Variants in RAD52 observed in about 807,000 individuals in gnomAD.
RAD52 encodes DNA repair protein RAD52 homolog.
In RAD52, 47 loss-of-function variants were observed where a neutral mutation model predicts 55.5. The ratio of observed to expected loss-of-function variants is 0.85; its 90% CI spans 0.67 to 1.08. The LOEUF is 1.08. RAD52 is among the 50% of genes least tolerant of loss of function. RAD52 has a pLI of 0.00. For missense variants in RAD52, 468 were observed against 522.8 expected (o/e 0.90, Z 1.02); for synonymous variants, 184 against 198.9 (o/e 0.92, Z 0.63).
chr12:927,068 T>C, intron 6 of RAD52, 77 bp downstream of exon 6: 7 of 1,531,120 alleles, frequency 4.6e-6, no homozygotes, highest in Non-Finnish European at 6.3e-6. Flanking sequence ...ATGTGTTACC[T>C]CTTCCAAAAA....
chr12:947,322 GT>G (rs1958286850), intron 1 of RAD52, among the ~76,000 whole-genome samples: 1 of 71,228 alleles, frequency 1.4e-5, no homozygotes, highest in South Asian at 7.8e-4. Flanking sequence ...GCGAAACTCT[GT>G]CCCCCCAAAA....
intron 1 of RAD52, among the ~76,000 whole-genome samples, chr12:973,083 T>G (rs1169847532): frequency 6.6e-6 from 1 of 152,154 alleles, no homozygotes; most frequent in Non-Finnish European, 1.5e-5. Flanking sequence ...TTCTTTTCTT[T>G]TTTTGAGACG....
chr12:956,419 C>T (rs983650477), intron 1 of RAD52, among the ~76,000 whole-genome samples: 4 of 152,208 alleles, frequency 2.6e-5, no homozygotes, highest in African/African-American at 9.6e-5. Context: ...AATTGTATAG[C>T]TACTCCTGAT....
At chr12:958,804 G>A (rs1412142531) in intron 1 of RAD52, among the ~76,000 whole-genome samples, 7 of 152,166 alleles carry the variant, frequency 4.6e-5, no homozygotes, top group South Asian at 2.1e-4. Flanking sequence ...GGCGGTGGGT[G>A]GGGCACTCAG....
intron 7 of RAD52, among the ~76,000 whole-genome samples, chr12:918,139 TG>T (rs1340043985): frequency 1.3e-5 from 2 of 152,134 alleles, no homozygotes; most frequent in Non-Finnish European, 2.9e-5. Flanking sequence ...TGAGTGCAAC[TG>T]TACAGCAAAA....
At chr12:924,099 T>C (rs931007116) in intron 7 of RAD52, among the ~76,000 whole-genome samples, 1 of 136,968 alleles carries the variant, frequency 7.3e-6, no homozygotes, top group African/African-American at 2.7e-5. Context: ...ATATCTCTCA[T>C]AAACATAGAT....
At chr12:972,909 C>T (rs568687381) in intron 1 of RAD52, among the ~76,000 whole-genome samples, 1 of 151,686 alleles carries the variant, frequency 6.6e-6, no homozygotes, top group South Asian at 2.1e-4. Flanking sequence ...AATGAGGGGG[C>T]AAATTTTGTA....
At chr12:916,551 C>CGGCT (rs777891351) in intron 8 of RAD52, 68 bp from the exon 9 acceptor site, 9 of 1,601,680 alleles carry the variant, frequency 5.6e-6, no homozygotes, top group Admixed American at 1.7e-5. Flanking sequence ...AGGACACGCA[C>CGGCT]GGCTGGCTGG....
intron 1 of RAD52, among the ~76,000 whole-genome samples, chr12:947,861 G>A (rs1958332544): frequency 1.4e-5 from 2 of 140,476 alleles, no homozygotes; most frequent in East Asian, 2.1e-4. Flanking sequence ...ACTCCACCCT[G>A]GGCAACAAGA....
chr12:915,810 T>C (rs1956336992), intron 9 of RAD52, among the ~76,000 whole-genome samples: 1 of 152,122 alleles, frequency 6.6e-6, no homozygotes, highest in Non-Finnish European at 1.5e-5. Context: ...CTCTGCCTTC[T>C]GGATTCAAGC....
intron 1 of RAD52, chr12:977,040 C>A (rs1414882091): frequency 2.6e-5 from 4 of 152,430 alleles, no homozygotes; most frequent in African/African-American, 9.7e-5. Context: ...AGTCCTCGAT[C>A]CTTGTCTTCT....
chr12:984,098 A>G (rs569222410), intron 1 of RAD52, among the ~76,000 whole-genome samples: 1 of 152,330 alleles, frequency 6.6e-6, no homozygotes, highest in South Asian at 2.1e-4. Context: ...TTCTCCAGAA[A>G]TGTTTCTTCT....
intron 10 of RAD52, 60 bp from the exon 11 acceptor site, chr12:914,181 A>C: frequency 6.8e-7 from 1 of 1,477,154 alleles, no homozygotes; most frequent in Non-Finnish European, 9.3e-7. Flanking sequence ...CACAGAAAGC[A>C]CTGGAAAAAC....
At position 982,477 on chromosome 12, in the gene RAD52, T is replaced by C. The variant is rs115975616; in HGVS notation, c.-19+7332A>G. Among the ~76,000 whole-genome samples the C allele has an allele frequency of 7.5e-3, 1,145 of 152,224 alleles. 13 individuals are homozygous for C. Among genetic ancestry groups the C allele is most frequent in the African/African-American group, 0.026 (1,091 of 41,518 alleles). On this transcript the variant is annotated intron_variant, in intron 1 of 11. Coordinates refer to the RAD52 transcript ENST00000430095. Reference sequence around the variant, plus strand: ...CTCCTCAGCTAAATAACCAAATTTATCACTTTGAACCTGCACTTTCCACAA... The same window carrying C: ...CTCCTCAGCTAAATAACCAAATTTACCACTTTGAACCTGCACTTTCCACAA...
At chr12:931,383 C>A in intron 2 of RAD52, 62 bp from the exon 3 acceptor site, 1 of 1,278,690 alleles carries the variant, frequency 7.8e-7, no homozygotes, top group Non-Finnish European at 1.1e-6. Flanking sequence ...CATTGAGTCT[C>A]CATCCTTTAT....
chr12:968,325 C>A (rs746421733), intron 1 of RAD52, among the ~76,000 whole-genome samples: 2 of 152,020 alleles, frequency 1.3e-5, no homozygotes, highest in African/African-American at 4.8e-5. Context: ...TCCCTGGCAG[C>A]CTTGGAAGCC....
intron 1 of RAD52, among the ~76,000 whole-genome samples, chr12:940,383 G>C (rs1957860097): frequency 6.6e-6 from 1 of 152,050 alleles, no homozygotes; most frequent in Non-Finnish European, 1.5e-5. Context: ...CGGATCACGA[G>C]GTCAAGAGAT....
At chr12:972,459 T>C (rs1249083547) in intron 1 of RAD52, among the ~76,000 whole-genome samples, 1 of 152,058 alleles carries the variant, frequency 6.6e-6, no homozygotes, top group Non-Finnish European at 1.5e-5. Context: ...GGCAGAAAAC[T>C]GTGCCCATTA....
intron 1 of RAD52, among the ~76,000 whole-genome samples, chr12:978,288 C>T (rs547265066): frequency 4.0e-4 from 61 of 152,116 alleles, no homozygotes; most frequent in African/African-American, 1.4e-3. Context: ...CTCCTGACCT[C>T]GTGATCTGCC....
Sources: allele counts gnomAD v4.1 joint callset (sites outside exome capture counted in the v4.1 genomes callset), GRCh38; gene constraint gnomAD v4.1.1; transcripts MANE v1.5; gene names NCBI Gene and HGNC (gene_info 2026-07-23, HGNC 2026-07-21).